ASTN2: variants seen among roughly 807,000 people sequenced by gnomAD.
The protein encoded by ASTN2 is astrotactin 2, also known as astrotactin-2.
A neutral mutation model predicts 139.8 loss-of-function variants in ASTN2; 54 were observed. The observed-to-expected ratio is 0.39, with a 90% CI of 0.31 to 0.48. The LOEUF is 0.48. Among genes scored for constraint, ASTN2 ranks in the 20% least tolerant of loss-of-function variants. ASTN2 has a pLI of 0.95. For missense variants in ASTN2, 1,565 were observed against 1,725.1 expected (o/e 0.91, Z 1.64); for synonymous variants, 756 against 719.5 (o/e 1.05, Z -0.81).
chr9:116,732,936 C>T (rs1042371524), intron 14 of ASTN2, among the ~76,000 whole-genome samples: 3 of 152,168 alleles, frequency 2.0e-5, no homozygotes, highest in Non-Finnish European at 4.4e-5. Context: ...TGGCACAGTG[C>T]CCACGTACAA....
At chr9:116,941,428 T>C (rs1053005375) in intron 10 of ASTN2, among the ~76,000 whole-genome samples, 9 of 152,018 alleles carry the variant, frequency 5.9e-5, no homozygotes, top group Admixed American at 5.9e-4. Context: ...ACATGTTACA[T>C]AACTATCCAG....
intron 2 of ASTN2, among the ~76,000 whole-genome samples, chr9:117,222,033 C>T (rs1832539503): frequency 6.6e-6 from 1 of 152,148 alleles, no homozygotes; most frequent in African/African-American, 2.4e-5. Context: ...TTTCTCTCTA[C>T]TCTATGACTG....
At chr9:117,397,912 G>A (rs934018560) in intron 1 of ASTN2, among the ~76,000 whole-genome samples, 1 of 152,116 alleles carries the variant, frequency 6.6e-6, no homozygotes, top group African/African-American at 2.4e-5. Flanking sequence ...ACCCACCCCC[G>A]ACAGGTTGTA....
chr9:116,977,328 T>A (rs1219558256), intron 7 of ASTN2, among the ~76,000 whole-genome samples: 1 of 152,156 alleles, frequency 6.6e-6, no homozygotes, highest in African/African-American at 2.4e-5. Flanking sequence ...CTTTTCATTT[T>A]TAAATTATTT....
At chr9:117,144,489 A>G (rs1830145186) in intron 3 of ASTN2, among the ~76,000 whole-genome samples, 1 of 151,882 alleles carries the variant, frequency 6.6e-6, no homozygotes, top group Non-Finnish European at 1.5e-5. Flanking sequence ...CTTCCATAAA[A>G]CATTATGAGA....
chr9:117,171,954 A>T (rs1175031204), intron 3 of ASTN2, among the ~76,000 whole-genome samples: 4 of 152,202 alleles, frequency 2.6e-5, no homozygotes, highest in African/African-American at 9.6e-5. Context: ...AATTAAAAAA[A>T]ATTATCAATA....
chr9:117,289,522 T>G (rs1834533008), intron 2 of ASTN2, among the ~76,000 whole-genome samples: 1 of 152,292 alleles, frequency 6.6e-6, no homozygotes, highest in South Asian at 2.1e-4. Flanking sequence ...GATAATACTA[T>G]CCAGGTTACT....
chr9:116,935,548 A>C (rs768052033), intron 10 of ASTN2, among the ~76,000 whole-genome samples: 1 of 152,228 alleles, frequency 6.6e-6, no homozygotes, highest in South Asian at 2.1e-4. Context: ...GAGCCAGAAA[A>C]GAAAGAAAAA....
intron 10 of ASTN2, among the ~76,000 whole-genome samples, chr9:116,941,159 C>T (rs1275853500): frequency 7.5e-6 from 1 of 133,346 alleles, no homozygotes; most frequent in Non-Finnish European, 1.6e-5. Flanking sequence ...CACATGTCTG[C>T]AGAAGACAAC....
chr9:117,004,818 C>G (rs186803910), intron 7 of ASTN2, among the ~76,000 whole-genome samples: 1 of 152,294 alleles, frequency 6.6e-6, no homozygotes, highest in East Asian at 1.9e-4. Flanking sequence ...ACCTGAGGTT[C>G]TAATCCTGGC....
chr9:117,390,806 T>C (rs1249198061), intron 1 of ASTN2, among the ~76,000 whole-genome samples: 1 of 152,232 alleles, frequency 6.6e-6, no homozygotes, highest in Non-Finnish European at 1.5e-5. Flanking sequence ...AAAGCTGCTA[T>C]AAACATTCAT....
At chr9:117,029,396 A>G (rs1440080073) in intron 6 of ASTN2, among the ~76,000 whole-genome samples, 1 of 152,166 alleles carries the variant, frequency 6.6e-6, no homozygotes, top group African/African-American at 2.4e-5. Context: ...CCTTCTCCAG[A>G]TAAGTGTCAA....
In ASTN2 at chr9:116,686,957, G is replaced by A. The variant is rs1046108944; in HGVS notation, c.2807-35164C>T. The A allele has an allele frequency of 2.7e-6, 4 of 1,472,356 alleles. No individual in the cohort carries two copies. The African/African-American group carries it at 5.6e-5, about 21-fold the overall frequency. 91.2% of individuals were successfully genotyped at this position (1,472,356 alleles called of 1,614,324 possible). ...TTTCTCAGATGGAAAAACAGATTCA[G>A]TAAGGTGCCAACGCTTTGCTGAGGA... On this transcript the variant is annotated intron_variant, in intron 16 of 22. Transcript: ENST00000313400.
chr9:116,976,908 A>G, intron 7 of ASTN2, 123 bp from the exon 8 acceptor site: 1 of 767,380 alleles, frequency 1.3e-6, no homozygotes, highest in South Asian at 1.7e-5. Context: ...GCACATGGAA[A>G]GAGGGTAATC....
chr9:117,255,625 C>A (rs1011359961), intron 2 of ASTN2, among the ~76,000 whole-genome samples: 7 of 152,172 alleles, frequency 4.6e-5, no homozygotes, highest in African/African-American at 1.4e-4. Flanking sequence ...GTCTTCCCCC[C>A]ATCCCTCAAG....
chr9:116,535,307 CTT>C (rs1333548747), intron 19 of ASTN2, among the ~76,000 whole-genome samples: 3 of 152,136 alleles, frequency 2.0e-5, no homozygotes, highest in South Asian at 2.1e-4. Flanking sequence ...GGTCTTGACT[CTT>C]TGTCCAATTT....
intron 13 of ASTN2, among the ~76,000 whole-genome samples, chr9:116,788,095 T>C (rs1195655087): frequency 6.6e-6 from 1 of 152,052 alleles, no homozygotes; most frequent in African/African-American, 2.4e-5. Context: ...TTCTCACTTG[T>C]ATGTGGAATC....
chr9:116,854,173 C>T (rs1588355522), intron 11 of ASTN2, among the ~76,000 whole-genome samples: 3 of 152,278 alleles, frequency 2.0e-5, no homozygotes, highest in Admixed American at 2.0e-4. Flanking sequence ...TGAGATCCAC[C>T]TCAGAAGCCT....
At chr9:116,961,488 G>A (rs1835874710) in intron 10 of ASTN2, among the ~76,000 whole-genome samples, 1 of 152,084 alleles carries the variant, frequency 6.6e-6, no homozygotes, top group Admixed American at 6.6e-5. Context: ...TTTTGTGCCT[G>A]GCTTATTTCC....
Sources: gnomAD v4.1 joint callset for allele counts (sites outside exome capture counted in the v4.1 genomes callset) on GRCh38, gnomAD v4.1.1 for gene constraint, MANE v1.5 for transcripts, NCBI Gene and HGNC (gene_info 2026-07-23, HGNC 2026-07-21) for gene names.